TRIP11: variants seen among roughly 807,000 people sequenced by gnomAD.
TRIP11 encodes thyroid hormone receptor interactor 11.
In TRIP11, 148 loss-of-function variants were observed where a neutral mutation model predicts 223.1. That is an observed-to-expected ratio of 0.66 (90% CI 0.58 to 0.76). TRIP11 has a LOEUF of 0.76. Ranked by LOEUF, TRIP11 falls within the 30% of genes least tolerant of loss-of-function variation. The probability of loss-of-function intolerance (pLI) is 0.00; values close to 1 mark genes in which losing one functional copy is unlikely to be tolerated. For missense variants in TRIP11, 2,043 were observed against 2,222.0 expected (o/e 0.92, Z 1.62); for synonymous variants, 762 against 772.6 (o/e 0.99, Z 0.23).
rs2057362061 is a variant in TRIP11, at chr14:92,039,620, G to A, written c.66C>T (p.Ser22=). ...ATATCTGGCCAGTGAGGGAAGCCAG[G>A]CTGCCCCCGACTTGACCCAGAGACT... ...LGQSLGQVGG[S]LASLTGQISN... The change falls in exon 1 of 21, where the codon AGC becomes AGT. Residue 22 remains serine, a synonymous_variant. Transcript: ENST00000267622. The A allele has an allele frequency of 1.2e-6, 2 of 1,612,946 alleles. No homozygotes were observed. Among genetic ancestry groups the A allele is most frequent in the Non-Finnish European group, 1.7e-6 (2 of 1,179,576 alleles).
intron 11 of TRIP11, among the ~76,000 whole-genome samples, chr14:92,002,894 TCAAA>T (rs1167349041): frequency 2.0e-5 from 3 of 152,110 alleles, no homozygotes; most frequent in East Asian, 1.9e-4. Flanking sequence ...ACATTCTTTT[TCAAA>T]CAGAGTATCA....
At chr14:91,969,953 ACT>A (rs2056381378) in intron 20 of TRIP11, 60 bp from the exon 21 acceptor site, 1 of 1,469,676 alleles carries the variant, frequency 6.8e-7, no homozygotes, top group African/African-American at 1.4e-5. Flanking sequence ...AAATGAAATA[ACT>A]CTGAATGTAA....
In TRIP11 at chr14:91,974,642, T is replaced by C. The variant is rs1407078835; in HGVS notation, c.5559A>G (p.Gln1853=). The change falls in exon 19 of 21, where the codon CAA becomes CAG. Residue 1853 remains glutamine, a synonymous_variant. Transcript: ENST00000267622. ...TGTTTCTTACACTATTAACCACAGA[T>C]TGCTGATTTGGTCTCAAAGGTGTGT... is the stretch of plus-strand genomic sequence containing the variant. ...VPNTPLRPNQ[Q]SVVNSSFSEL... 1 of 1,612,100 alleles carries C rather than the reference T, an allele frequency of 6.2e-7. No homozygotes were observed. The highest frequency in any genetic ancestry group is 8.5e-7 in the Non-Finnish European group (1 of 1,179,746).
intron 2 of TRIP11, chr14:92,026,478 T>C: frequency 1.2e-6 from 1 of 814,364 alleles, no homozygotes; most frequent in Non-Finnish European, 2.1e-6. Context: ...GCCTCCTTGC[T>C]CGCCGCAGCC....
chr14:91,970,636 G>T (rs1275110630), intron 20 of TRIP11, among the ~76,000 whole-genome samples: 1 of 152,134 alleles, frequency 6.6e-6, no homozygotes, highest in Non-Finnish European at 1.5e-5. Context: ...GATCCCACAA[G>T]CAAGGTCTAT....
intron 19 of TRIP11, 151 bp from the exon 20 acceptor site, chr14:91,973,012 G>C (rs878902865): frequency 1.7e-6 from 1 of 579,318 alleles, no homozygotes; most frequent in African/African-American, 2.0e-5. Flanking sequence ...ATGAACAATT[G>C]AAAATACTGG....
chr14:91,999,585 T>C (rs2056795570), intron 12 of TRIP11, 152 bp from the exon 13 acceptor site: 5 of 875,742 alleles, frequency 5.7e-6, no homozygotes, highest in East Asian at 2.7e-5. Context: ...GAAAAAATTA[T>C]CTTGAAATCA....
intron 1 of TRIP11, among the ~76,000 whole-genome samples, chr14:92,038,887 T>C (rs754550608): frequency 3.3e-5 from 5 of 152,106 alleles, no homozygotes; most frequent in Admixed American, 1.3e-4. Flanking sequence ...TAAAACGAGA[T>C]TGAGGACTTC....
At chr14:92,015,006 T>C (rs888051526) in intron 6 of TRIP11, among the ~76,000 whole-genome samples, 6 of 151,586 alleles carry the variant, frequency 4.0e-5, no homozygotes, top group Admixed American at 1.3e-4. Context: ...TGGGCTCAAG[T>C]GATCCTCCCA....
At chr14:91,989,967 T>G (rs2056652329) in intron 15 of TRIP11, among the ~76,000 whole-genome samples, 4 of 152,168 alleles carry the variant, frequency 2.6e-5, no homozygotes, top group Admixed American at 2.6e-4. Context: ...GCCTGCTGAG[T>G]TCCAGCCTGC....
intron 8 of TRIP11, among the ~76,000 whole-genome samples, chr14:92,011,483 CAAA>C (rs200967942): frequency 1.4e-4 from 6 of 42,464 alleles, no homozygotes; most frequent in African/African-American, 5.2e-4. Context: ...GACTCCGTCT[CAAA>C]AAAAAAAAAA....
chr14:91,995,593 T>A, intron 13 of TRIP11, 78 bp from the exon 14 acceptor site: 51 of 1,299,904 alleles, frequency 3.9e-5, no homozygotes, highest in Middle Eastern at 2.1e-4. Context: ...CTTCCCTACA[T>A]CTTATTACTT....
chr14:91,992,211 T>C (rs2056683255), intron 15 of TRIP11, among the ~76,000 whole-genome samples: 1 of 150,670 alleles, frequency 6.6e-6, no homozygotes, highest in Admixed American at 6.6e-5. Flanking sequence ...GTCAAACCTA[T>C]GTGATAAGAA....
At chr14:92,002,184 C>A (rs1296984116) in intron 11 of TRIP11, among the ~76,000 whole-genome samples, 1 of 152,160 alleles carries the variant, frequency 6.6e-6, no homozygotes. Context: ...ACAAGCCCTA[C>A]ACTATACTAT....
intron 15 of TRIP11, 90 bp downstream of exon 15, chr14:91,993,719 C>G: frequency 9.5e-7 from 1 of 1,052,846 alleles, no homozygotes; most frequent in Non-Finnish European, 1.4e-6. Flanking sequence ...ACTAAATGAA[C>G]AGTTTAGGAG....
At chr14:92,028,719 AGAAAAGAGAGTACAAAT>A (rs1244837970) in intron 2 of TRIP11, among the ~76,000 whole-genome samples, 1 of 152,202 alleles carries the variant, frequency 6.6e-6, no homozygotes, top group Non-Finnish European at 1.5e-5. Context: ...CATAGAAAGA[AGAAAAGAGAGTACAAAT>A]GAAAAGAGAG....
At chr14:91,984,317 C>CTT (rs138601782) in intron 16 of TRIP11, among the ~76,000 whole-genome samples, 16,015 of 127,764 alleles carry the variant, frequency 0.13, 1,143 homozygotes, top group African/African-American at 0.18. Flanking sequence ...TTTTTCTTTT[C>CTT]TTTTTTTTTT....
intron 7 of TRIP11, among the ~76,000 whole-genome samples, chr14:92,013,191 C>A (rs936155543): frequency 6.6e-6 from 1 of 151,988 alleles, no homozygotes; most frequent in Admixed American, 6.6e-5. Context: ...CACTTGAACC[C>A]GGGAGGTGGA....
At chr14:91,977,820 TA>T (rs912237288) in intron 16 of TRIP11, among the ~76,000 whole-genome samples, 4 of 152,204 alleles carry the variant, frequency 2.6e-5, no homozygotes, top group African/African-American at 9.6e-5. Context: ...AATTCGTATA[TA>T]AAATGTCTCG....
Sources: gnomAD v4.1 joint callset for allele counts (sites outside exome capture counted in the v4.1 genomes callset) on GRCh38, gnomAD v4.1.1 for gene constraint, MANE v1.5 for transcripts, NCBI Gene and HGNC (gene_info 2026-07-23, HGNC 2026-07-21) for gene names.